SIPA1L3: variants seen among roughly 807,000 people sequenced by gnomAD.
SIPA1L3 encodes the protein signal-induced proliferation-associated 1-like protein 3.
A neutral mutation model predicts 150.1 loss-of-function variants in SIPA1L3; 59 were observed. That is an observed-to-expected ratio of 0.39 (90% CI 0.32 to 0.49). The LOEUF is 0.49. Ranked by LOEUF, SIPA1L3 falls within the 20% of genes least tolerant of loss-of-function variation. The probability of loss-of-function intolerance (pLI) is 0.86; values close to 1 mark genes in which losing one functional copy is unlikely to be tolerated. For synonymous variants in SIPA1L3, 1,070 were observed against 1,077.6 expected, an observed-to-expected ratio of 0.99 and a Z score of 0.14; for missense variants, 2,211 against 2,489.5, an observed-to-expected ratio of 0.89 and a Z score of 2.38.
intron 2 of SIPA1L3, among the ~76,000 whole-genome samples, chr19:38,070,914 A>G (rs1354745046): frequency 6.6e-6 from 1 of 152,204 alleles, no homozygotes; most frequent in Non-Finnish European, 1.5e-5. Flanking sequence ...TGACTAGATC[A>G]TGTTTCCCTG....
intron 2 of SIPA1L3, among the ~76,000 whole-genome samples, chr19:38,031,008 T>A (rs1419297142): frequency 1.3e-5 from 2 of 152,136 alleles, no homozygotes; most frequent in Non-Finnish European, 2.9e-5. Flanking sequence ...GGATGTTTAG[T>A]GGGTCTCATC....
At chr19:37,927,269 C>T (rs566542368) in intron 1 of SIPA1L3, among the ~76,000 whole-genome samples, 4 of 151,924 alleles carry the variant, frequency 2.6e-5, no homozygotes, top group South Asian at 2.1e-4. Flanking sequence ...CTCAGCCTCC[C>T]GAGTAGCTGG....
chr19:38,194,778 C>A (rs1008590782), intron 18 of SIPA1L3, among the ~76,000 whole-genome samples: 1 of 152,176 alleles, frequency 6.6e-6, no homozygotes. Context: ...AGGCCGGGCG[C>A]GGTGGCTCAC....
chr19:37,922,603 C>T (rs2046466458), intron 1 of SIPA1L3, among the ~76,000 whole-genome samples: 1 of 151,380 alleles, frequency 6.6e-6, no homozygotes, highest in Non-Finnish European at 1.5e-5. Flanking sequence ...CTGTGTTAGC[C>T]AGGATGGTCT....
intron 2 of SIPA1L3, among the ~76,000 whole-genome samples, chr19:38,059,787 T>A (rs1969408617): frequency 6.6e-6 from 1 of 150,692 alleles, no homozygotes; most frequent in Non-Finnish European, 1.5e-5. Context: ...TTTTTTTTCC[T>A]TTTTTTTGAG....
intron 1 of SIPA1L3, among the ~76,000 whole-genome samples, chr19:37,915,770 A>G (rs1289152683): frequency 6.6e-6 from 1 of 152,190 alleles, no homozygotes; most frequent in Admixed American, 6.5e-5. Context: ...TTGGACCTGT[A>G]AGGGCCCCAG....
intron 10 of SIPA1L3, among the ~76,000 whole-genome samples, chr19:38,137,529 G>A (rs1457115482): frequency 3.3e-5 from 5 of 151,810 alleles, no homozygotes; most frequent in African/African-American, 9.7e-5. Flanking sequence ...TAGAACTCCT[G>A]GGTTCAAGTG....
chr19:37,990,608 C>A (rs1599874374), intron 1 of SIPA1L3, among the ~76,000 whole-genome samples: 1 of 152,214 alleles, frequency 6.6e-6, no homozygotes, highest in African/African-American at 2.4e-5. Context: ...CAGCGAGAAC[C>A]CCGCCCCAGT....
chr19:38,153,748 A>G (rs1194600697), intron 13 of SIPA1L3, among the ~76,000 whole-genome samples: 2 of 151,918 alleles, frequency 1.3e-5, no homozygotes, highest in South Asian at 2.1e-4. Context: ...AGCCTGGCCA[A>G]CATGGGGAAA....
chr19:38,083,226 C>A, intron 3 of SIPA1L3, 127 bp downstream of exon 3: 1 of 1,023,972 alleles, frequency 9.8e-7, no homozygotes, highest in Non-Finnish European at 1.4e-6. Flanking sequence ...GAACAGAGAC[C>A]TCCCTTCTGG....
chr19:38,060,924 T>C (rs1008303112), intron 2 of SIPA1L3, among the ~76,000 whole-genome samples: 4 of 152,206 alleles, frequency 2.6e-5, no homozygotes, highest in Non-Finnish European at 5.9e-5. Flanking sequence ...ACTCCTGACC[T>C]CAGGTGATCT....
chr19:37,923,147 AAAAG>A (rs2046471571), intron 1 of SIPA1L3, among the ~76,000 whole-genome samples: 1 of 152,010 alleles, frequency 6.6e-6, no homozygotes, highest in Admixed American at 6.6e-5. Flanking sequence ...AAAAAAAAAA[AAAAG>A]AAGTACAACA....
intron 1 of SIPA1L3, among the ~76,000 whole-genome samples, chr19:37,954,735 C>T (rs912162120): frequency 6.6e-6 from 1 of 151,944 alleles, no homozygotes; most frequent in African/African-American, 2.4e-5. Flanking sequence ...AAGTTGTCAC[C>T]ACCACCGCCT....
chr19:38,026,562 G>A (rs906991697), intron 1 of SIPA1L3, among the ~76,000 whole-genome samples: 2 of 152,104 alleles, frequency 1.3e-5, no homozygotes, highest in Non-Finnish European at 2.9e-5. Flanking sequence ...ATAGATGCAG[G>A]GTGGGTCAAA....
At chr19:38,203,302 C>T (rs1973129613) in intron 20 of SIPA1L3, among the ~76,000 whole-genome samples, 1 of 152,218 alleles carries the variant, frequency 6.6e-6, no homozygotes, top group South Asian at 2.1e-4. Flanking sequence ...CCCCCATCTC[C>T]CTCTGCAGCT....
intron 6 of SIPA1L3, among the ~76,000 whole-genome samples, chr19:38,103,895 C>T (rs1475058566): frequency 1.8e-5 from 2 of 111,440 alleles, no homozygotes; most frequent in Non-Finnish European, 3.5e-5. Context: ...CAGCGAGACT[C>T]CATATCAAAA....
chr19:38,074,605 T>C lies in SIPA1L3; in HGVS notation c.-310-6651T>C, dbSNP rs140941614. 7.9e-4 allele frequency among the ~76,000 whole-genome samples: 120 copies of C among 152,364 alleles called. 3 individuals carry two copies. In the East Asian group the frequency reaches 0.017, roughly 22 times the overall value. On this transcript the variant is annotated intron_variant, in intron 2 of 21. Coordinates refer to ENST00000222345, the MANE Select transcript of SIPA1L3 (RefSeq NM_015073.3). ...GGTTCAGGCTCTCAAGCAAACAGTC[T>C]TGCCATTCTGTAACTGACAGTTTAG... is the stretch of plus-strand genomic sequence containing the variant.
At chr19:37,977,276 T>G (rs910524961) in intron 1 of SIPA1L3, among the ~76,000 whole-genome samples, 2 of 152,062 alleles carry the variant, frequency 1.3e-5, no homozygotes, top group Admixed American at 1.3e-4. Flanking sequence ...GCGATTCTTC[T>G]GCCTCAGCCT....
At chr19:38,195,676 A>G (rs1362851594) in intron 18 of SIPA1L3, among the ~76,000 whole-genome samples, 2 of 151,762 alleles carry the variant, frequency 1.3e-5, no homozygotes, top group Admixed American at 6.6e-5. Flanking sequence ...CCACAGGCCG[A>G]TCCGAATTCC....
Sources: gnomAD v4.1 joint callset for allele counts (sites outside exome capture counted in the v4.1 genomes callset) on GRCh38, gnomAD v4.1.1 for gene constraint, MANE v1.5 for transcripts, NCBI Gene and HGNC (gene_info 2026-07-23, HGNC 2026-07-21) for gene names.